ASPHD1: variants seen among roughly 807,000 people sequenced by gnomAD.
ASPHD1 encodes the protein aspartate beta-hydroxylase domain-containing protein 1.
Under a neutral mutation model 28.3 loss-of-function variants are expected in ASPHD1, and 20 were observed. The observed-to-expected ratio is 0.71, with a 90% CI of 0.50 to 1.03. ASPHD1 has a LOEUF of 1.03. Ranked by LOEUF, ASPHD1 falls within the 50% of genes least tolerant of loss-of-function variation. The pLI, the probability that ASPHD1 is intolerant of heterozygous loss-of-function variation, is 0.00. For synonymous variants in ASPHD1, 240 were observed against 221.2 expected, an observed-to-expected ratio of 1.08 and a Z score of -0.75; for missense variants, 479 against 524.1, an observed-to-expected ratio of 0.91 and a Z score of 0.84.
chr16:29,900,790 GAGCGAAA>G lies in ASPHD1; in HGVS notation c.-177_-171del. 1 of 631,182 alleles carries G rather than the reference GAGCGAAA, an allele frequency of 1.6e-6. No individual in the cohort carries two copies. The highest frequency in any genetic ancestry group is 2.0e-5 in the South Asian group (1 of 49,922). 39.1% of individuals were successfully genotyped at this position (631,182 alleles called of 1,614,324 possible). On this transcript the variant is annotated 5_prime_UTR_variant, in exon 1 of 3. Coordinates refer to ENST00000308748, the MANE Select transcript of ASPHD1 (RefSeq NM_181718.4). The stretch of plus-strand genomic sequence containing the variant: ...CTAGGAGGAAGCGGGGAGAGAGAGC[GAGCGAAA>G]AGCGGGGGTGGGGAGGAAAGGGGGA...
rs1249051994 is a variant in ASPHD1, at chr16:29,901,629, A to T, written c.658A>T (p.Ile220Phe). ...VELLESSFPA[I>F]LRDFGAVSWD... is the part of the protein sequence containing the mutation. ...GCTCCTGGAGAGCAGCTTCCCTGCC[A>T]TTTTGCGGGACTTCGGGGCTGTGAG... is the stretch of plus-strand genomic sequence containing the variant. The change falls in exon 1 of 3, where the codon ATT becomes TTT. Residue 220 changes from isoleucine (I) to phenylalanine (F), a missense_variant. Transcript: ENST00000308748. This position sits in a 1 kb window ranked among gnomAD's most constrained non-coding sequence, Gnocchi z 5.1. 6.4e-7 allele frequency: 1 copy of T among 1,566,712 alleles called. No homozygotes were observed. Among genetic ancestry groups the T allele is most frequent in the Non-Finnish European group, 8.6e-7 (1 of 1,164,404 alleles).
downstream of ASPHD1, chr16:29,906,603 A>G (rs568120920): frequency 6.4e-6 from 4 of 628,322 alleles, no homozygotes; most frequent in African/African-American, 5.4e-5. Flanking sequence ...ATCCCTCTTA[A>G]CCAGCTGGAG....
chr16:29,905,858 G>A lies in ASPHD1; in HGVS notation c.1134G>A (p.Glu378=), dbSNP rs371497934. Reference sequence around the variant, plus strand: ...GGCACCCCAACGTGGCAGGGGCTGAGCGCCAGGCCCTCGACTTTGTCTTCG... The same window carrying A: ...GGCACCCCAACGTGGCAGGGGCTGAACGCCAGGCCCTCGACTTTGTCTTCG... ...DLWHPNVAGA[E]RQALDFVFAP... The change falls in exon 3 of 3, where the codon GAG becomes GAA. Residue 378 remains glutamate (E), a synonymous_variant. Coordinates refer to ENST00000308748, the MANE Select transcript of ASPHD1 (RefSeq NM_181718.4). 6.2e-7 allele frequency: 1 copy of A among 1,613,664 alleles called. No homozygotes were observed. Among genetic ancestry groups the A allele is most frequent in the Non-Finnish European group, 8.5e-7 (1 of 1,179,894 alleles).
intron 2 of ASPHD1, 109 bp downstream of exon 2, chr16:29,905,074 A>G: frequency 2.7e-6 from 2 of 743,008 alleles, no homozygotes; most frequent in Non-Finnish European, 4.5e-6. Flanking sequence ...TACCACCACC[A>G]TCTTCCAGCT....
At chr16:29,904,710 C>A in intron 1 of ASPHD1, 142 bp from the exon 2 acceptor site, 8 of 500,900 alleles carry the variant, frequency 1.6e-5, no homozygotes, top group East Asian at 1.2e-4. Flanking sequence ...TGTAATTATA[C>A]TGTGGCCACT....
chr16:29,919,157 AACC>A lies in ASPHD1; in HGVS notation c.*63-372_*63-370del, dbSNP rs372211479. Reference sequence around the variant, plus strand: ...AAATTAAGGATAAGGCTGGGTAATAAACCAAACGATACCGGGAGTAAACAACCA... The same window carrying A: ...AAATTAAGGATAAGGCTGGGTAATAAAAACGATACCGGGAGTAAACAACCA... On this transcript the variant is annotated intron_variant and NMD_transcript_variant, in intron 3 of 3. Coordinates refer to the ASPHD1 transcript ENST00000414952. Among the ~76,000 whole-genome samples, 39 of 152,348 alleles carry A rather than the reference AACC, an allele frequency of 2.6e-4. No individual in the cohort carries two copies. In the East Asian group the frequency reaches 7.1e-3, roughly 28 times the overall value.
At chr16:29,905,007 G>C in intron 2 of ASPHD1, 42 bp downstream of exon 2, 1 of 1,458,264 alleles carries the variant, frequency 6.9e-7, no homozygotes, top group Middle Eastern at 1.8e-4. Flanking sequence ...AGGGACTCAG[G>C]AGCAAAGGAG....
chr16:29,917,259 T>C (rs973990834), intron 3 of ASPHD1, among the ~76,000 whole-genome samples: 1 of 152,138 alleles, frequency 6.6e-6, no homozygotes, highest in Non-Finnish European at 1.5e-5. Flanking sequence ...CCTCACCCTA[T>C]GGAAGACAAA....
At chr16:29,905,546 TG>T (rs1206696585) in intron 2 of ASPHD1, among the ~76,000 whole-genome samples, 1 of 147,560 alleles carries the variant, frequency 6.8e-6, no homozygotes, top group African/African-American at 2.5e-5. Flanking sequence ...GAGAATTGCT[TG>T]AACCTGGGAG....
intron 1 of ASPHD1, among the ~76,000 whole-genome samples, chr16:29,904,435 A>T (rs149348313): frequency 0.011 from 1,595 of 151,032 alleles, 115 homozygotes; most frequent in Admixed American, 0.1. Context: ...ACAGAGCAAG[A>T]CTACATCTCA....
At chr16:29,904,604 C>G (rs1446596947) in intron 1 of ASPHD1, among the ~76,000 whole-genome samples, 2 of 136,576 alleles carry the variant, frequency 1.5e-5, no homozygotes, top group Non-Finnish European at 1.5e-5. Context: ...GAGAGTGAGA[C>G]TTTGTCTCAA....
chr16:29,910,883 G>A, downstream of ASPHD1: 1 of 1,142,694 alleles, frequency 8.8e-7, no homozygotes, highest in Non-Finnish European at 1.3e-6. Context: ...CCTGCCTCCT[G>A]GTGGTGGGCT....
chr16:29,909,783 G>T (rs2068673657), downstream of ASPHD1, among the ~76,000 whole-genome samples: 1 of 151,504 alleles, frequency 6.6e-6, no homozygotes, highest in Non-Finnish European at 1.5e-5. Context: ...CAAATTCCTG[G>T]GCTAGGGCGG....
chr16:29,904,999 G>A (rs1239695765), intron 2 of ASPHD1, 34 bp downstream of exon 2: 1 of 1,514,910 alleles, frequency 6.6e-7, no homozygotes, highest in South Asian at 1.1e-5. Context: ...GGGGGATGAG[G>A]GACTCAGGAG....
At chr16:29,905,205 C>T in intron 2 of ASPHD1, 1 of 412,736 alleles carries the variant, frequency 2.4e-6, no homozygotes, top group Non-Finnish European at 4.4e-6. Flanking sequence ...GTTACCAGCA[C>T]AGGACTCTGG....
intron 1 of ASPHD1, among the ~76,000 whole-genome samples, chr16:29,903,722 C>T (rs191721965): frequency 6.6e-6 from 1 of 152,170 alleles, no homozygotes; most frequent in Admixed American, 6.6e-5. Flanking sequence ...TCTTTTCAAC[C>T]TAGAATCCCC....
chr16:29,911,539 G>C (rs1473753101), intron 3 of ASPHD1: 3 of 588,464 alleles, frequency 5.1e-6, no homozygotes, highest in Non-Finnish European at 9.1e-6. Context: ...GACCTCAAGG[G>C]GGAGGACTCT....
At chr16:29,909,344 T>C (rs1004527848), downstream of ASPHD1, among the ~76,000 whole-genome samples, 6 of 152,170 alleles carry the variant, frequency 3.9e-5, no homozygotes, top group Non-Finnish European at 5.9e-5. Context: ...ATTAGGCAGA[T>C]AGAAGGAAAG....
downstream of ASPHD1, among the ~76,000 whole-genome samples, chr16:29,910,509 C>T (rs1023010924): frequency 5.9e-5 from 9 of 152,046 alleles, no homozygotes; most frequent in Non-Finnish European, 1.2e-4. Context: ...GTCACCAAGC[C>T]ACCACACCTG....
Sources: gnomAD v4.1 joint callset for allele counts (sites outside exome capture counted in the v4.1 genomes callset) on GRCh38, gnomAD v4.1.1 for gene constraint, Gnocchi (gnomAD v3.1) non-coding constraint, MANE v1.5 for transcripts, NCBI Gene and HGNC (gene_info 2026-07-23, HGNC 2026-07-21) for gene names.